Variants in SNTG1 observed in about 807,000 individuals in gnomAD.
The protein encoded by SNTG1 is syntrophin gamma 1, also known as gamma-1-syntrophin.
SNTG1 carries 39 observed loss-of-function variants against 74.7 expected under a neutral mutation model. The observed-to-expected ratio is 0.52, with a 90% CI of 0.40 to 0.68. The LOEUF is 0.68. SNTG1 is among the 30% of genes least tolerant of loss of function. The pLI is 0.00. For synonymous variants in SNTG1, 254 were observed against 217.1 expected (o/e 1.17, Z -1.49); for missense variants, 685 against 609.5 (o/e 1.12, Z -1.30).
At chr8:50,103,629 G>C (rs1215441049) in intron 1 of SNTG1, among the ~76,000 whole-genome samples, 2 of 152,142 alleles carry the variant, frequency 1.3e-5, no homozygotes, top group African/African-American at 4.8e-5. Context: ...GGGCATCCCT[G>C]TCTTGTGCCA....
chr8:49,993,110 T>A (rs1345210275), intron 1 of SNTG1, among the ~76,000 whole-genome samples: 1 of 152,100 alleles, frequency 6.6e-6, no homozygotes, highest in African/African-American at 2.4e-5. Flanking sequence ...TTTAAGAAGT[T>A]CAAGGAGAAT....
At chr8:49,962,810 C>T (rs1000439842) in intron 1 of SNTG1, among the ~76,000 whole-genome samples, 1 of 152,218 alleles carries the variant, frequency 6.6e-6, no homozygotes, top group Non-Finnish European at 1.5e-5. Flanking sequence ...CCAGGCTGGT[C>T]TTGAACTCTT....
At chr8:50,457,194 G>A (rs1217728177) in intron 8 of SNTG1, 1 of 152,068 alleles carries the variant, frequency 6.6e-6, no homozygotes, top group African/African-American at 2.4e-5. Flanking sequence ...TATTGCTTAG[G>A]TCTTTTTCAG....
intron 9 of SNTG1, among the ~76,000 whole-genome samples, chr8:50,506,663 C>T (rs1312241807): frequency 6.6e-6 from 1 of 151,874 alleles, no homozygotes; most frequent in Non-Finnish European, 1.5e-5. Context: ...GTTGTCTATT[C>T]TGCAACTTCC....
intron 2 of SNTG1, among the ~76,000 whole-genome samples, chr8:50,365,214 G>C (rs1384103075): frequency 6.6e-6 from 1 of 152,056 alleles, no homozygotes; most frequent in African/African-American, 2.4e-5. Context: ...TAGATTTCTA[G>C]AAGTTGTATT....
chr8:49,972,293 T>C (rs906341864), intron 1 of SNTG1, among the ~76,000 whole-genome samples: 5 of 152,178 alleles, frequency 3.3e-5, no homozygotes, highest in African/African-American at 9.7e-5. Context: ...TAAATGGTGC[T>C]GGGAAAACTG....
rs71235777 is a variant in SNTG1 at position 50,058,734 on chromosome 8, T to TTGTGTG, written c.-102-113803_-102-113798dup. The stretch of plus-strand genomic sequence containing the variant: ...TTCAGATCCACAATTTTACTTACAT[T>TTGTGTG]TGTGTGTGTGTGTGTGTGTGTGTGT... On this transcript the variant is annotated intron_variant, in intron 1 of 18. Transcript: ENST00000642720. 4.8e-3 allele frequency among the ~76,000 whole-genome samples: 698 copies of TTGTGTG among 145,754 alleles called. 4 individuals carry two copies. Among genetic ancestry groups the TTGTGTG allele is most frequent in the African/African-American group, 0.016 (641 of 40,044 alleles).
chr8:50,401,631 G>A (rs535131373), intron 3 of SNTG1, among the ~76,000 whole-genome samples: 102 of 152,214 alleles, frequency 6.7e-4, no homozygotes, highest in African/African-American at 2.3e-3. Context: ...ATGCAAGTCT[G>A]TGCATGTGTG....
intron 8 of SNTG1, among the ~76,000 whole-genome samples, chr8:50,469,970 T>C (rs1201517920): frequency 2.0e-5 from 3 of 152,108 alleles, no homozygotes; most frequent in Non-Finnish European, 2.9e-5. Flanking sequence ...AGAGAGGCTG[T>C]CTCAATAAAT....
At chr8:50,106,528 A>G (rs568212291) in intron 1 of SNTG1, among the ~76,000 whole-genome samples, 52 of 152,228 alleles carry the variant, frequency 3.4e-4, no homozygotes, top group Middle Eastern at 3.4e-3. Flanking sequence ...TGCTCATTCA[A>G]TGATGTTGAC....
chr8:50,508,421 T>A (rs1435625390), intron 9 of SNTG1, among the ~76,000 whole-genome samples: 3 of 152,196 alleles, frequency 2.0e-5, no homozygotes, highest in Non-Finnish European at 4.4e-5. Context: ...CTTATAATCC[T>A]TTGGGTATAT....
At chr8:50,333,050 A>G (rs1039126877) in intron 2 of SNTG1, among the ~76,000 whole-genome samples, 1 of 152,272 alleles carries the variant, frequency 6.6e-6, no homozygotes, top group African/African-American at 2.4e-5. Context: ...ATTTTCAGAT[A>G]TGAAGATATA....
chr8:50,210,470 G>C (rs900456311), intron 2 of SNTG1, among the ~76,000 whole-genome samples: 4 of 152,160 alleles, frequency 2.6e-5, no homozygotes, highest in Non-Finnish European at 5.9e-5. Context: ...GTTAAGGGCA[G>C]CCAGAGAGAA....
chr8:50,651,789 A>AT, intron 13 of SNTG1, among the ~76,000 whole-genome samples: 2 of 139,976 alleles, frequency 1.4e-5, no homozygotes, highest in Middle Eastern at 9.8e-3. Context: ...TAAATTATTT[A>AT]TTTTTTTGAG....
chr8:50,782,693 C>A (rs897436804), intron 18 of SNTG1, among the ~76,000 whole-genome samples: 3 of 152,168 alleles, frequency 2.0e-5, no homozygotes, highest in Admixed American at 2.0e-4. Flanking sequence ...CTGAAGCCTT[C>A]TTCTCTCAAC....
At chr8:50,001,308 G>T (rs991877617) in intron 1 of SNTG1, among the ~76,000 whole-genome samples, 6 of 152,220 alleles carry the variant, frequency 3.9e-5, no homozygotes, top group Admixed American at 3.9e-4. Context: ...CTGTCTTCAG[G>T]TGTCGGCTGA....
intron 1 of SNTG1, among the ~76,000 whole-genome samples, chr8:50,168,943 C>A (rs1487643101): frequency 6.6e-6 from 1 of 152,174 alleles, no homozygotes; most frequent in East Asian, 1.9e-4. Flanking sequence ...GTTACACGTG[C>A]ACTCGTTTTT....
intron 4 of SNTG1, among the ~76,000 whole-genome samples, chr8:50,410,405 ACT>A (rs983171983): frequency 6.6e-6 from 1 of 152,192 alleles, no homozygotes; most frequent in African/African-American, 2.4e-5. Context: ...TTTAAAAAAA[ACT>A]CTTGTATGCC....
At chr8:49,972,899 C>G (rs573116526) in intron 1 of SNTG1, among the ~76,000 whole-genome samples, 3 of 148,696 alleles carry the variant, frequency 2.0e-5, no homozygotes, top group South Asian at 2.2e-4. Flanking sequence ...AATAGGGACG[C>G]TTTTACACTG....
Sources: gnomAD v4.1 joint callset for allele counts (sites outside exome capture counted in the v4.1 genomes callset) on GRCh38, gnomAD v4.1.1 for gene constraint, MANE v1.5 for transcripts, NCBI Gene and HGNC (gene_info 2026-07-23, HGNC 2026-07-21) for gene names.